Variants in SLC35F3 observed in about 807,000 individuals in gnomAD.
The protein encoded by SLC35F3 is solute carrier family 35 member F3.
In SLC35F3, 25 loss-of-function variants were observed where a neutral mutation model predicts 49.9. That is an observed-to-expected ratio of 0.50 (90% confidence interval 0.37 to 0.70). The LOEUF (loss-of-function observed/expected upper bound fraction) is 0.70. Among genes scored for constraint, SLC35F3 ranks in the 30% least tolerant of loss-of-function variants. The probability of loss-of-function intolerance (pLI) is 0.00; values close to 1 mark genes in which losing one functional copy is unlikely to be tolerated. For synonymous variants in SLC35F3, 275 were observed against 265.4 expected, an observed-to-expected ratio of 1.04 and a Z score of -0.35; for missense variants, 525 against 639.8, an observed-to-expected ratio of 0.82 and a Z score of 1.94.
At chr1:234,089,155 C>G (rs1318440697) in intron 2 of SLC35F3, among the ~76,000 whole-genome samples, 1 of 152,092 alleles carries the variant, frequency 6.6e-6, no homozygotes, top group African/African-American at 2.4e-5. Context: ...GAGTCCTCAC[C>G]CAGGGCACAC....
intron 3 of SLC35F3, among the ~76,000 whole-genome samples, chr1:234,261,515 G>A (rs1667904586): frequency 6.6e-6 from 1 of 152,154 alleles, no homozygotes; most frequent in African/African-American, 2.4e-5. Context: ...TATAATTAGT[G>A]TATAATGAGC....
At position 234,216,836 on chromosome 1, in the gene SLC35F3, G is replaced by A. The variant is rs115385070; in HGVS notation, c.284-14581G>A. ...AAGGTAGAGGTAGCTGAAAATGCCTGGCAAGCCCCCAGTTGCATTTTTCGT... is the reference window on the plus strand; with the variant it reads ...AAGGTAGAGGTAGCTGAAAATGCCTAGCAAGCCCCCAGTTGCATTTTTCGT... On this transcript the variant is annotated intron_variant, in intron 2 of 7. Coordinates refer to ENST00000366618, the MANE Select transcript of SLC35F3 (RefSeq NM_173508.4). Among the ~76,000 whole-genome samples, 172 of 152,260 alleles carry A rather than the reference G, an allele frequency of 1.1e-3. 1 individual carries two copies. Among genetic ancestry groups the A allele is most frequent in the African/African-American group, 3.9e-3 (162 of 41,550 alleles).
chr1:234,054,384 A>G (rs1664425110), intron 2 of SLC35F3, among the ~76,000 whole-genome samples: 1 of 152,004 alleles, frequency 6.6e-6, no homozygotes, highest in Non-Finnish European at 1.5e-5. Context: ...ACTTCATTTC[A>G]TTCATTTGAT....
intron 2 of SLC35F3, among the ~76,000 whole-genome samples, chr1:234,132,184 C>T (rs1259099119): frequency 1.3e-5 from 2 of 152,162 alleles, no homozygotes; most frequent in Admixed American, 6.5e-5. Context: ...CTCTCTTCCC[C>T]GACCCTCACT....
At chr1:234,024,213 CT>C (rs1426273302) in intron 2 of SLC35F3, among the ~76,000 whole-genome samples, 2 of 145,048 alleles carry the variant, frequency 1.4e-5, no homozygotes, top group African/African-American at 2.7e-5. Flanking sequence ...AAAATAAACG[CT>C]TCTGATAAAA....
intron 3 of SLC35F3, among the ~76,000 whole-genome samples, chr1:234,294,878 A>G (rs1471875351): frequency 6.6e-6 from 1 of 151,912 alleles, no homozygotes; most frequent in Non-Finnish European, 1.5e-5. Flanking sequence ...ACAGAATATT[A>G]TGGGGGCAGA....
At chr1:234,137,352 G>A (rs1665826650) in intron 2 of SLC35F3, among the ~76,000 whole-genome samples, 1 of 152,182 alleles carries the variant, frequency 6.6e-6, no homozygotes, top group Non-Finnish European at 1.5e-5. Context: ...GAGGCAAAGT[G>A]GTCAGGAATG....
intron 2 of SLC35F3, among the ~76,000 whole-genome samples, chr1:234,191,875 G>T (rs1666735332): frequency 6.6e-6 from 1 of 151,846 alleles, no homozygotes. Context: ...TAAATTCCTG[G>T]AAATATACAA....
intron 3 of SLC35F3, among the ~76,000 whole-genome samples, chr1:234,242,718 G>A (rs752686195): frequency 2.5e-4 from 38 of 152,204 alleles, no homozygotes; most frequent in Middle Eastern, 3.2e-3. Context: ...GTAACATTCA[G>A]GAGTGCATCA....
At chr1:234,100,774 A>G (rs770550660) in intron 2 of SLC35F3, among the ~76,000 whole-genome samples, 22 of 152,234 alleles carry the variant, frequency 1.4e-4, no homozygotes, top group Non-Finnish European at 4.4e-5. Context: ...CATGGAGCAA[A>G]AAAATGGGTG....
chr1:234,283,873 C>G (rs1460317219), intron 3 of SLC35F3, among the ~76,000 whole-genome samples: 1 of 152,152 alleles, frequency 6.6e-6, no homozygotes, highest in Non-Finnish European at 1.5e-5. Context: ...TTTTGTAGCT[C>G]TTATACATGT....
At chr1:234,313,581 G>A (rs1303786568) in intron 4 of SLC35F3, among the ~76,000 whole-genome samples, 1 of 152,156 alleles carries the variant, frequency 6.6e-6, no homozygotes, top group Non-Finnish European at 1.5e-5. Flanking sequence ...TTTGTTTCAG[G>A]ATTGTTCCGT....
intron 2 of SLC35F3, among the ~76,000 whole-genome samples, chr1:234,177,258 G>T (rs1163604826): frequency 6.6e-6 from 1 of 152,184 alleles, no homozygotes; most frequent in African/African-American, 2.4e-5. Flanking sequence ...CAGCCATGTG[G>T]AACTGTGAGT....
At chr1:234,134,321 CAA>C (rs1453978231) in intron 2 of SLC35F3, among the ~76,000 whole-genome samples, 1 of 148,098 alleles carries the variant, frequency 6.8e-6, no homozygotes, top group Non-Finnish European at 1.5e-5. Flanking sequence ...TATATACAAA[CAA>C]ATTATACAAA....
intron 2 of SLC35F3, among the ~76,000 whole-genome samples, chr1:233,974,182 T>C (rs1348786921): frequency 1.5e-5 from 2 of 131,358 alleles, no homozygotes; most frequent in Non-Finnish European, 3.4e-5. Context: ...TTCTTTTTTT[T>C]TTTTTTTTTT....
At chr1:233,945,530 G>A (rs114334947) in intron 2 of SLC35F3, among the ~76,000 whole-genome samples, 9 of 152,274 alleles carry the variant, frequency 5.9e-5, no homozygotes, top group Middle Eastern at 3.4e-3. Flanking sequence ...ATCTGGAAAA[G>A]GTTCCTATGA....
chr1:233,979,510 A>G (rs1663146063), intron 2 of SLC35F3, among the ~76,000 whole-genome samples: 2 of 152,250 alleles, frequency 1.3e-5, no homozygotes. Context: ...AGGCTCATTC[A>G]TCTTGCAGAG....
At position 234,231,474 on chromosome 1, in the gene SLC35F3, T is replaced by C; in HGVS notation, c.341T>C (p.Val114Ala). ...GCGGAGGCCCAGGCACCGGCCGGGGTGGAGGCCGGCGGGAGAGCGAGTCGC... is the reference window on the plus strand; with the variant it reads ...GCGGAGGCCCAGGCACCGGCCGGGGCGGAGGCCGGCGGGAGAGCGAGTCGC... ...GPAEAQAPAG[V>A]EAGGRASRRC... The change falls in exon 3 of 8, where the codon GTG becomes GCG. Residue 114 changes from valine (V) to alanine (A), a missense_variant. By Grantham distance (64) the Val-to-Ala change is moderately conservative. Transcript: ENST00000366618. This position sits in a 1 kb window ranked among gnomAD's most constrained non-coding sequence, Gnocchi z 5.4. The C allele has an allele frequency of 1.2e-6, 2 of 1,611,068 alleles. No homozygotes were observed. Among genetic ancestry groups the C allele is most frequent in the East Asian group, 2.2e-5 (1 of 44,774 alleles).
At chr1:234,199,171 T>C (rs1666859821) in intron 2 of SLC35F3, among the ~76,000 whole-genome samples, 1 of 151,610 alleles carries the variant, frequency 6.6e-6, no homozygotes, top group Non-Finnish European at 1.5e-5. Flanking sequence ...AAGGCTGCAG[T>C]GAGCTATGAT....
Sources: allele counts gnomAD v4.1 joint callset (sites outside exome capture counted in the v4.1 genomes callset), GRCh38; gene constraint gnomAD v4.1.1; non-coding constraint Gnocchi (gnomAD v3.1); transcripts MANE v1.5; gene names NCBI Gene and HGNC (gene_info 2026-07-23, HGNC 2026-07-21).